The following TNIK variants were observed in gnomAD, a reference collection of about 807,000 sequenced individuals.
TNIK encodes the protein TRAF2 and NCK interacting kinase.
TNIK carries 49 observed loss-of-function variants against 191.3 expected under a neutral mutation model. That is an observed-to-expected ratio of 0.26 (90% confidence interval 0.20 to 0.32). TNIK has a LOEUF of 0.32. Ranked by LOEUF, TNIK falls within the 10% of genes least tolerant of loss-of-function variation. The probability of loss-of-function intolerance (pLI) is 1.00; values close to 1 mark genes in which losing one functional copy is unlikely to be tolerated. For missense variants in TNIK, 1,155 were observed against 1,702.3 expected, an observed-to-expected ratio of 0.68 and a Z score of 5.66; for synonymous variants, 594 against 600.9, an observed-to-expected ratio of 0.99 and a Z score of 0.17.
At chr3:171,201,330 C>T (rs1022726875) in intron 4 of TNIK, among the ~76,000 whole-genome samples, 1 of 151,940 alleles carries the variant, frequency 6.6e-6, no homozygotes, top group African/African-American at 2.4e-5. Context: ...ACCCAGGCTG[C>T]GAAGGTTGTG....
chr3:171,326,604 A>T (rs1306083094), intron 2 of TNIK, among the ~76,000 whole-genome samples: 2 of 152,248 alleles, frequency 1.3e-5, no homozygotes, highest in African/African-American at 2.4e-5. Flanking sequence ...CTAAAATTTA[A>T]ATCTAACAGT....
chr3:171,252,063 C>CGTGT (rs146267125), intron 2 of TNIK, among the ~76,000 whole-genome samples: 1 of 131,516 alleles, frequency 7.6e-6, no homozygotes, highest in Non-Finnish European at 1.7e-5. Context: ...ATCTGGTATG[C>CGTGT]GTGTGTGTGT....
rs1377174804 is a variant in TNIK at position 171,108,093 on chromosome 3, C to T, written c.2354G>A (p.Arg785Lys). Residue 785 changes from arginine (R) to lysine (K), a missense_variant, in exon 20 of 33, where the codon AGG (arginine) becomes AAG (lysine). Transcript: ENST00000436636. ...TGGTCGACTGGGCCGGGTAATGTCCCTGGATTCTTCTGGTTTCACCTTCGC... is the reference window on the plus strand; with the variant it reads ...TGGTCGACTGGGCCGGGTAATGTCCTTGGATTCTTCTGGTTTCACCTTCGC... ...EPAKVKPEES[R>K]DITRPSRPAS... is the part of the protein sequence containing the mutation. 4 of 1,574,570 alleles carry T rather than the reference C, an allele frequency of 2.5e-6. No individual in the cohort carries two copies. The Admixed American group carries it at 5.5e-5, about 22-fold the overall frequency.
chr3:171,085,849 G>T (rs1721287047), intron 24 of TNIK, among the ~76,000 whole-genome samples: 2 of 152,136 alleles, frequency 1.3e-5, no homozygotes, highest in Admixed American at 6.5e-5. Context: ...TCCTTATTTA[G>T]GGACTTCATG....
In TNIK at chr3:171,343,172, T is replaced by C. The variant is rs147007135; in HGVS notation, c.123+26448A>G. Among the ~76,000 whole-genome samples the C allele has an allele frequency of 2.0e-5, 3 of 152,142 alleles. No homozygotes were observed. In the East Asian group the frequency reaches 5.8e-4, roughly 29 times the overall value. On this transcript the variant is annotated intron_variant, in intron 2 of 32. Transcript: ENST00000436636. ...CCACTTCTTAGCTGTGGGCTGCACATAGGGACCTGCCAAAGAATACAGCAT... is the reference window on the plus strand; with the variant it reads ...CCACTTCTTAGCTGTGGGCTGCACACAGGGACCTGCCAAAGAATACAGCAT...
intron 2 of TNIK, among the ~76,000 whole-genome samples, chr3:171,340,027 T>C (rs1438154159): frequency 6.6e-6 from 1 of 152,182 alleles, no homozygotes; most frequent in African/African-American, 2.4e-5. Context: ...GAAATTGGAA[T>C]GCATGATAAA....
chr3:171,245,706 C>G (rs975375688), intron 2 of TNIK, among the ~76,000 whole-genome samples: 1 of 152,140 alleles, frequency 6.6e-6, no homozygotes, highest in African/African-American at 2.4e-5. Context: ...TTCTATAGAT[C>G]ATCTCATTTG....
intron 2 of TNIK, among the ~76,000 whole-genome samples, chr3:171,280,189 T>C (rs937313276): frequency 2.6e-5 from 4 of 152,226 alleles, no homozygotes; most frequent in Admixed American, 2.6e-4. Flanking sequence ...ATCCTTCTGC[T>C]TCACATCTCT....
chr3:171,457,408 G>C (rs1728907027), intron 1 of TNIK, among the ~76,000 whole-genome samples: 1 of 152,182 alleles, frequency 6.6e-6, no homozygotes, highest in Non-Finnish European at 1.5e-5. Flanking sequence ...ACATTAAAGA[G>C]CCACCGAAAC....
intron 10 of TNIK, among the ~76,000 whole-genome samples, chr3:171,164,482 T>C (rs1403822169): frequency 1.3e-5 from 2 of 152,258 alleles, no homozygotes; most frequent in African/African-American, 4.8e-5. Flanking sequence ...CCTCGTTTAA[T>C]CTTTGCAACT....
At chr3:171,416,253 G>A (rs1160903263) in intron 1 of TNIK, among the ~76,000 whole-genome samples, 1 of 151,968 alleles carries the variant, frequency 6.6e-6, no homozygotes, top group Non-Finnish European at 1.5e-5. Flanking sequence ...GACATCATGT[G>A]CCCCTAATCT....
intron 18 of TNIK, among the ~76,000 whole-genome samples, chr3:171,117,431 T>G (rs1726903892): frequency 6.6e-6 from 1 of 152,204 alleles, no homozygotes; most frequent in African/African-American, 2.4e-5. Context: ...CAATTTCTCC[T>G]TCTGTAAAAT....
intron 2 of TNIK, among the ~76,000 whole-genome samples, chr3:171,247,861 A>C (rs1745777013): frequency 6.6e-6 from 1 of 151,904 alleles, no homozygotes; most frequent in South Asian, 2.1e-4. Flanking sequence ...ATGCAGGGAC[A>C]GACATCAGTT....
chr3:171,139,266 T>C lies in TNIK; in HGVS notation c.1419+204A>G, dbSNP rs528981848. On this transcript the variant is annotated intron_variant, in intron 14 of 32. Coordinates refer to ENST00000436636, the MANE Select transcript of TNIK (RefSeq NM_015028.4). ...ACAACTGTATTAAATATATTAGGAC[T>C]CAGCAAAATCAATCAGAAAATGTAT... 7.0e-4 allele frequency among the ~76,000 whole-genome samples: 106 copies of C among 152,290 alleles called. 1 individual carries two copies. Among genetic ancestry groups the C allele is most frequent in the African/African-American group, 2.5e-3 (102 of 41,568 alleles).
chr3:171,352,470 G>A (rs1471820404), intron 2 of TNIK, among the ~76,000 whole-genome samples: 1 of 152,134 alleles, frequency 6.6e-6, no homozygotes, highest in Non-Finnish European at 1.5e-5. Flanking sequence ...GATAATTTCA[G>A]ATTTTCCAAA....
intron 2 of TNIK, among the ~76,000 whole-genome samples, chr3:171,228,651 T>A (rs9827901): frequency 0.029 from 4,366 of 152,338 alleles, 95 homozygotes; most frequent in African/African-American, 0.062. Context: ...TGGATATGAT[T>A]CTGCTATAAT....
At chr3:171,211,909 A>G (rs182160553) in intron 3 of TNIK, among the ~76,000 whole-genome samples, 2 of 152,290 alleles carry the variant, frequency 1.3e-5, no homozygotes, top group Admixed American at 1.3e-4. Flanking sequence ...TTCATTCACT[A>G]TGAATTTTGA....
intron 2 of TNIK, among the ~76,000 whole-genome samples, chr3:171,267,974 C>A (rs550075156): frequency 2.6e-5 from 4 of 152,192 alleles, no homozygotes; most frequent in South Asian, 2.1e-4. Flanking sequence ...CCTCAGCCAC[C>A]CTTTCATTCT....
intron 4 of TNIK, among the ~76,000 whole-genome samples, chr3:171,202,539 A>G (rs1250240876): frequency 6.6e-6 from 1 of 152,228 alleles, no homozygotes; most frequent in Non-Finnish European, 1.5e-5. Flanking sequence ...GACCATTAGC[A>G]AAATAACTTT....
Sources: allele counts gnomAD v4.1 joint callset (sites outside exome capture counted in the v4.1 genomes callset), GRCh38; gene constraint gnomAD v4.1.1; transcripts MANE v1.5; gene names NCBI Gene and HGNC (gene_info 2026-07-23, HGNC 2026-07-21).